The following NBEAL1 variants were observed in gnomAD, a reference collection of about 807,000 sequenced individuals.
NBEAL1 encodes the protein neurobeachin-like protein 1.
A neutral mutation model predicts 351.3 loss-of-function variants in NBEAL1; 273 were observed. The ratio of observed to expected loss-of-function variants is 0.78; its 90% CI spans 0.70 to 0.86. The LOEUF is 0.86. Among genes scored for constraint, NBEAL1 ranks in the 40% least tolerant of loss-of-function variants. The pLI, the probability that NBEAL1 is intolerant of heterozygous loss-of-function variation, is 0.00. For synonymous variants in NBEAL1, 1,050 were observed against 1,086.4 expected (o/e 0.97, Z 0.66); for missense variants, 2,961 against 3,201.3 (o/e 0.92, Z 1.81).
intron 20 of NBEAL1, 53 bp from the exon 21 acceptor site, chr2:203,125,907 A>G (rs2062927105): frequency 7.1e-7 from 1 of 1,404,508 alleles, no homozygotes; most frequent in Non-Finnish European, 9.5e-7. Context: ...AGAAAATGTG[A>G]TATAAAAGTG....
chr2:203,039,960 T>A, intron 2 of NBEAL1: 2 of 491,438 alleles, frequency 4.1e-6, no homozygotes, highest in Non-Finnish European at 7.2e-6. Context: ...TAAAGGACCA[T>A]GGTGGAGGGA....
intron 35 of NBEAL1, among the ~76,000 whole-genome samples, chr2:203,151,802 G>GA (rs1001220781): frequency 2.8e-4 from 42 of 151,480 alleles, no homozygotes; most frequent in South Asian, 1.0e-3. Context: ...ATTTCTAAAA[G>GA]AAAAAAAAAT....
Position 203,222,881 on chromosome 2 carries a change from T to C in NBEAL1, c.*5527T>C, listed in dbSNP as rs1259515826. Among the ~76,000 whole-genome samples the C allele has an allele frequency of 6.6e-6, 1 of 152,208 alleles. No homozygotes were observed. The highest frequency in any genetic ancestry group is 1.9e-4 in the East Asian group (1 of 5,206). ...GCCTCTGTATGGAAATAATCTTTAA[T>C]TTTTTATAGGTATAACAGAGAAGAA... On this transcript the variant is annotated 3_prime_UTR_variant, in exon 56 of 56. Transcript: ENST00000683969.
intron 18 of NBEAL1, among the ~76,000 whole-genome samples, chr2:203,121,450 C>T (rs936917258): frequency 1.3e-5 from 2 of 151,916 alleles, no homozygotes. Flanking sequence ...GTCAGGAGTT[C>T]GAGACCAGCC....
At chr2:203,177,525 C>A (rs1488254122) in intron 42 of NBEAL1, among the ~76,000 whole-genome samples, 1 of 152,126 alleles carries the variant, frequency 6.6e-6, no homozygotes, top group Non-Finnish European at 1.5e-5. Context: ...TGCTCAACAG[C>A]ATGAGTCATC....
At chr2:203,079,902 T>C (rs535758403) in intron 8 of NBEAL1, among the ~76,000 whole-genome samples, 1 of 152,300 alleles carries the variant, frequency 6.6e-6, no homozygotes, top group African/African-American at 2.4e-5. Context: ...TCTAGGGAAC[T>C]TTTAATCTTC....
At chr2:203,030,517 G>T (rs1259061048) in intron 2 of NBEAL1, among the ~76,000 whole-genome samples, 1 of 151,914 alleles carries the variant, frequency 6.6e-6, no homozygotes, top group Non-Finnish European at 1.5e-5. Context: ...TAAAGCCAAG[G>T]GACTAACCGG....
At chr2:203,180,627 G>A (rs1194831713) in intron 43 of NBEAL1, 115 bp downstream of exon 43, 6 of 993,226 alleles carry the variant, frequency 6.0e-6, no homozygotes, top group Admixed American at 5.9e-5. Context: ...CATTCTGTCT[G>A]TGGATTACTT....
intron 52 of NBEAL1, 41 bp from the exon 53 acceptor site, chr2:203,209,120 T>C: frequency 6.6e-7 from 1 of 1,523,060 alleles, no homozygotes; most frequent in Non-Finnish European, 9.0e-7. Context: ...TGCTGTTCTT[T>C]TCCTTTGTCT....
At chr2:203,163,809 AT>A (rs1399441233) in intron 36 of NBEAL1, among the ~76,000 whole-genome samples, 1 of 152,104 alleles carries the variant, frequency 6.6e-6, no homozygotes, top group Admixed American at 6.5e-5. Context: ...TCAGTTTGGG[AT>A]TATTTTGAAT....
intron 20 of NBEAL1, 95 bp downstream of exon 20, chr2:203,125,615 T>C: frequency 8.7e-7 from 1 of 1,143,642 alleles, no homozygotes; most frequent in Non-Finnish European, 1.2e-6. Flanking sequence ...AGGAAGAAAC[T>C]TAACCATTTG....
At chr2:203,114,357 T>C (rs943490969) in intron 17 of NBEAL1, among the ~76,000 whole-genome samples, 5 of 152,248 alleles carry the variant, frequency 3.3e-5, no homozygotes, top group African/African-American at 1.2e-4. Context: ...AGAAATTATG[T>C]AACTGCTTCC....
chr2:203,152,433 A>G (rs1181173759), intron 35 of NBEAL1, among the ~76,000 whole-genome samples: 2 of 151,268 alleles, frequency 1.3e-5, no homozygotes, highest in Non-Finnish European at 2.9e-5. Flanking sequence ...TACTAAAAAT[A>G]TAAAAAATTA....
intron 12 of NBEAL1, among the ~76,000 whole-genome samples, chr2:203,103,274 T>C (rs778456520): frequency 1.3e-5 from 2 of 152,028 alleles, no homozygotes; most frequent in Non-Finnish European, 2.9e-5. Context: ...TGATCTTTTG[T>C]ATTTCTTTTT....
chr2:203,117,062 A>C (rs898274082), intron 18 of NBEAL1, among the ~76,000 whole-genome samples: 4 of 152,162 alleles, frequency 2.6e-5, no homozygotes, highest in Admixed American at 6.6e-5. Flanking sequence ...AGATCGTGCC[A>C]CTGCTCTCCA....
chr2:203,103,686 G>A (rs1042155185), intron 12 of NBEAL1, among the ~76,000 whole-genome samples: 2 of 152,130 alleles, frequency 1.3e-5, no homozygotes, highest in Non-Finnish European at 2.9e-5. Context: ...CAGTTCTCTA[G>A]TTGTGATGTT....
At chr2:203,175,778 T>C (rs1232637227) in intron 42 of NBEAL1, among the ~76,000 whole-genome samples, 1 of 152,212 alleles carries the variant, frequency 6.6e-6, no homozygotes, top group African/African-American at 2.4e-5. Flanking sequence ...AACCAGCTTT[T>C]CCATGAATCT....
chr2:203,014,715 TG>T (rs1465030545), upstream of NBEAL1: 1 of 152,220 alleles, frequency 6.6e-6, no homozygotes, highest in Non-Finnish European at 1.5e-5. Flanking sequence ...GCAGGTATGC[TG>T]GGGCGGGGCT....
chr2:203,170,779 C>G (rs1053223212), intron 39 of NBEAL1, among the ~76,000 whole-genome samples: 1 of 152,164 alleles, frequency 6.6e-6, no homozygotes, highest in Non-Finnish European at 1.5e-5. Flanking sequence ...AAACTTTATT[C>G]TTTAAGTGCT....
Sources: allele counts gnomAD v4.1 joint callset (sites outside exome capture counted in the v4.1 genomes callset), GRCh38; gene constraint gnomAD v4.1.1; transcripts MANE v1.5; gene names NCBI Gene and HGNC (gene_info 2026-07-23, HGNC 2026-07-21).